Variants in HDAC8 observed in about 807,000 individuals in gnomAD.
The protein encoded by HDAC8 is histone deacetylase-like 1.
In HDAC8, 1 loss-of-function variant was observed where a neutral mutation model predicts 32.2. The observed-to-expected ratio is 0.03, with a 90% CI of 0.01 to 0.15. The LOEUF (loss-of-function observed/expected upper bound fraction) is 0.15. HDAC8 is among the 10% of genes least tolerant of loss of function. The probability of loss-of-function intolerance (pLI) is 1.00; values close to 1 mark genes in which losing one functional copy is unlikely to be tolerated. For missense variants in HDAC8, 117 were observed against 300.0 expected (o/e 0.39, Z 4.51); for synonymous variants, 108 against 113.9 (o/e 0.95, Z 0.33).
rs932406720 is a variant in HDAC8 at position 72,374,508 on chromosome X, C to T, written c.1006-22670G>A. Among the ~76,000 whole-genome samples, 11 of 108,817 alleles carry T rather than the reference C, an allele frequency of 1.0e-4. No individual in the cohort carries two copies. The South Asian group carries it at 4.5e-3, about 45-fold the overall frequency. 94.5% of individuals were successfully genotyped at this position (108,817 alleles called of 115,157 possible). A position where few individuals can be genotyped will look rare whatever the true frequency, so the allele number is the denominator to read the frequency against. On this transcript the variant is annotated intron_variant, in intron 9 of 10. Transcript: ENST00000373573. ...GCAACATGGTGAAACCCCATCTCTA[C>T]AAAAAATACAAAAATTAGCTGGGTG...
chrX:72,557,100 G>C (rs1440281903), intron 4 of HDAC8, among the ~76,000 whole-genome samples: 2 of 111,002 alleles, frequency 1.8e-5, no homozygotes, highest in Non-Finnish European at 3.8e-5. Context: ...CCTGTAGGGA[G>C]GCTGAGGAAG....
chrX:72,366,003 C>A (rs1313686894), intron 9 of HDAC8, among the ~76,000 whole-genome samples: 2 of 112,344 alleles, frequency 1.8e-5, no homozygotes, highest in Non-Finnish European at 3.8e-5. Context: ...TGGCCCCTGC[C>A]CTCAAGGAGT....
chrX:72,358,973 G>A (rs1286199329), intron 9 of HDAC8, among the ~76,000 whole-genome samples: 5 of 111,820 alleles, frequency 4.5e-5, no homozygotes, highest in African/African-American at 1.6e-4. Flanking sequence ...CTTGCCTGCT[G>A]CTCACCTCTT....
chrX:72,361,563 A>G (rs782369469), intron 9 of HDAC8, among the ~76,000 whole-genome samples: 4 of 110,677 alleles, frequency 3.6e-5, no homozygotes, highest in Non-Finnish European at 5.7e-5. Context: ...ATGAACACAT[A>G]TATATAGCCC....
In HDAC8 at chrX:72,407,833, A is replaced by G. The variant is rs2046088321; in HGVS notation, c.1005+54171T>C. On this transcript the variant is annotated intron_variant, in intron 9 of 10. Coordinates refer to ENST00000373573, the MANE Select transcript of HDAC8 (RefSeq NM_018486.3). ...CAGTAGCAATAAGAAACTAATACAG[A>G]CCATGAAAGGGACCAGTTAACAAAG... 2.7e-5 allele frequency among the ~76,000 whole-genome samples: 3 copies of G among 112,468 alleles called. No homozygotes were observed. In the South Asian group the frequency reaches 1.1e-3, roughly 41 times the overall value.
At chrX:72,447,551 C>T (rs1295602253) in intron 9 of HDAC8, among the ~76,000 whole-genome samples, 1 of 112,036 alleles carries the variant, frequency 8.9e-6, no homozygotes, top group Non-Finnish European at 1.9e-5. Context: ...CCTCTCTCAC[C>T]ACTCCTATTC....
At chrX:72,453,460 A>AAAAGAAAG (rs1555988386) in intron 9 of HDAC8, among the ~76,000 whole-genome samples, 32 of 43,489 alleles carry the variant, frequency 7.4e-4, no homozygotes, top group African/African-American at 1.8e-3. Context: ...CTGTCTCTTA[A>AAAAGAAAG]AAATAAAGAA....
intron 9 of HDAC8, among the ~76,000 whole-genome samples, chrX:72,434,720 A>C (rs1351726695): frequency 8.9e-6 from 1 of 111,878 alleles, no homozygotes; most frequent in Non-Finnish European, 1.9e-5. Context: ...TTTTACCAAT[A>C]TTTATTAACA....
chrX:72,349,018 C>A (rs1484263355), intron 10 of HDAC8, among the ~76,000 whole-genome samples: 1 of 112,357 alleles, frequency 8.9e-6, no homozygotes, highest in African/African-American at 3.2e-5. Flanking sequence ...GTGACAGAGA[C>A]CTCATGCCTT....
intron 4 of HDAC8, among the ~76,000 whole-genome samples, chrX:72,527,735 C>T (rs934714945): frequency 1.2e-4 from 13 of 107,560 alleles, no homozygotes; most frequent in Non-Finnish European, 2.3e-4. Flanking sequence ...ACTGAATGAA[C>T]GAATGATACC....
At chrX:72,517,985 C>A (rs782284783) in intron 4 of HDAC8, among the ~76,000 whole-genome samples, 3 of 111,574 alleles carry the variant, frequency 2.7e-5, no homozygotes, top group Non-Finnish European at 3.8e-5. Context: ...GTATTGCCAT[C>A]TTAACAATAT....
At chrX:72,494,477 C>T (rs1484310387) in intron 5 of HDAC8, among the ~76,000 whole-genome samples, 1 of 110,935 alleles carries the variant, frequency 9.0e-6, no homozygotes, top group Non-Finnish European at 1.9e-5. Context: ...GGAAATACTA[C>T]GTGTCCCAGA....
intron 4 of HDAC8, among the ~76,000 whole-genome samples, chrX:72,541,621 C>A (rs2050710393): frequency 8.9e-6 from 1 of 111,802 alleles, no homozygotes; most frequent in South Asian, 3.7e-4. Flanking sequence ...TTGCAATAAT[C>A]AGTGAGAGAG....
chrX:72,453,439 G>A (rs1317003721), intron 9 of HDAC8, among the ~76,000 whole-genome samples: 4 of 93,170 alleles, frequency 4.3e-5, no homozygotes, highest in Non-Finnish European at 6.3e-5. Context: ...CCTGGCTGAC[G>A]GAGTAAGACT....
chrX:72,366,658 C>T (rs782531385), intron 9 of HDAC8, among the ~76,000 whole-genome samples: 1 of 112,238 alleles, frequency 8.9e-6, no homozygotes, highest in African/African-American at 3.2e-5. Flanking sequence ...ACATAGTAGG[C>T]GCTCCATACA....
rs782484053 is a variant in HDAC8 at position 72,453,522 on chromosome X, A to AAGAG, written c.1005+8481_1005+8482insCTCT. 1.9e-4 allele frequency among the ~76,000 whole-genome samples: 14 copies of AAGAG among 74,117 alleles called. No individual in the cohort carries two copies. In the South Asian group the frequency reaches 2.5e-3, roughly 13 times the overall value. The allele number at this position is 74,117 out of a possible 115,157, so 64.4% of individuals were successfully genotyped here. ...AAAGAAAGAAAGAAAGAAAGAAAGA[A>AAGAG]AAAGAAAGAAAAAGTAAAAAGGTCA... On this transcript the variant is annotated intron_variant, in intron 9 of 10. Transcript: ENST00000373573.
At chrX:72,366,232 C>T (rs889764529) in intron 9 of HDAC8, among the ~76,000 whole-genome samples, 22 of 111,910 alleles carry the variant, frequency 2.0e-4, no homozygotes, top group African/African-American at 7.1e-4. Flanking sequence ...ATGGTCGGCT[C>T]CCCACTGACT....
intron 9 of HDAC8, among the ~76,000 whole-genome samples, chrX:72,427,118 C>G (rs2046661743): frequency 9.0e-6 from 1 of 110,914 alleles, no homozygotes; most frequent in Non-Finnish European, 1.9e-5. Flanking sequence ...GAATAGATTA[C>G]TATACCACGT....
chrX:72,511,471 G>A (rs1569358036), intron 4 of HDAC8, among the ~76,000 whole-genome samples: 1 of 111,642 alleles, frequency 9.0e-6, no homozygotes. Flanking sequence ...TAATACATAT[G>A]TATTTGTATT....
Sources: allele counts gnomAD v4.1 joint callset (sites outside exome capture counted in the v4.1 genomes callset), GRCh38; gene constraint gnomAD v4.1.1; transcripts MANE v1.5; gene names NCBI Gene and HGNC (gene_info 2026-07-23, HGNC 2026-07-21).